DPY19L4: variants seen among roughly 807,000 people sequenced by gnomAD.
DPY19L4 encodes the protein probable C-mannosyltransferase DPY19L4.
DPY19L4 carries 97 observed loss-of-function variants against 102.8 expected under a neutral mutation model. The ratio of observed to expected loss-of-function variants is 0.94; its 90% CI spans 0.80 to 1.12. The LOEUF (loss-of-function observed/expected upper bound fraction) is 1.12. DPY19L4 is among the 50% of genes most tolerant of loss of function. DPY19L4 has a pLI of 0.00. For synonymous variants in DPY19L4, 252 were observed against 283.1 expected, an observed-to-expected ratio of 0.89 and a Z score of 1.10; for missense variants, 815 against 850.4, an observed-to-expected ratio of 0.96 and a Z score of 0.52.
At chr8:94,769,443 TAATC>T (rs773254884) in intron 12 of DPY19L4, among the ~76,000 whole-genome samples, 50 of 152,258 alleles carry the variant, frequency 3.3e-4, no homozygotes, top group Non-Finnish European at 6.2e-4. Context: ...GATATTTAAA[TAATC>T]AGTTAAACTT....
intron 8 of DPY19L4, among the ~76,000 whole-genome samples, chr8:94,762,253 G>A (rs1032926698): frequency 1.3e-5 from 2 of 152,168 alleles, no homozygotes; most frequent in African/African-American, 2.4e-5. Context: ...CTGCTCTTGG[G>A]TTTCTTGAGC....
chr8:94,730,998 G>A (rs375807304), intron 2 of DPY19L4, among the ~76,000 whole-genome samples: 2 of 147,330 alleles, frequency 1.4e-5, no homozygotes, highest in East Asian at 2.0e-4. Context: ...ACCAGCCTCG[G>A]CCTCCCAAAG....
At chr8:94,769,408 A>G (rs982422209) in intron 12 of DPY19L4, among the ~76,000 whole-genome samples, 1 of 152,190 alleles carries the variant, frequency 6.6e-6, no homozygotes, top group Non-Finnish European at 1.5e-5. Flanking sequence ...CAGATTTAAT[A>G]TAGTTAGAGA....
At chr8:94,765,102 A>T in intron 8 of DPY19L4, 81 bp from the exon 9 acceptor site, 1 of 1,012,508 alleles carries the variant, frequency 9.9e-7, no homozygotes, top group Non-Finnish European at 1.4e-6. Context: ...GTATAATTAT[A>T]GTTAAATCTA....
intron 15 of DPY19L4, among the ~76,000 whole-genome samples, chr8:94,780,822 G>T (rs1472509920): frequency 6.6e-6 from 1 of 151,934 alleles, no homozygotes; most frequent in Non-Finnish European, 1.5e-5. Flanking sequence ...ATTTATTATT[G>T]TTTGGTAATG....
intron 13 of DPY19L4, among the ~76,000 whole-genome samples, chr8:94,772,690 G>A (rs531200937): frequency 5.3e-5 from 8 of 152,308 alleles, no homozygotes; most frequent in African/African-American, 1.9e-4. Flanking sequence ...TTAGCCTTCA[G>A]CCCTTCACAG....
At chr8:94,767,125 C>T (rs1812710397) in intron 11 of DPY19L4, among the ~76,000 whole-genome samples, 1 of 150,376 alleles carries the variant, frequency 6.6e-6, no homozygotes, top group African/African-American at 2.4e-5. Context: ...TAAATTTTAA[C>T]ATTTTGTTCT....
Position 94,761,150 on chromosome 8 carries a change from T to G in DPY19L4, c.736-550T>G, listed in dbSNP as rs557034345. ...GTTAACATAAATTGTTAACCAAGTA[T>G]AAAGTCATTAACTTGCTAAATGAAA... On this transcript the variant is annotated intron_variant, in intron 7 of 18. Coordinates refer to ENST00000414645, the MANE Select transcript of DPY19L4 (RefSeq NM_181787.3). 3.9e-5 allele frequency among the ~76,000 whole-genome samples: 6 copies of G among 152,270 alleles called. No individual in the cohort carries two copies. The South Asian group carries it at 1.2e-3, about 32-fold the overall frequency.
intron 11 of DPY19L4, among the ~76,000 whole-genome samples, 180 bp from the exon 12 acceptor site, chr8:94,768,215 T>C (rs866236691): frequency 1.3e-5 from 2 of 152,206 alleles, no homozygotes; most frequent in Non-Finnish European, 2.9e-5. Context: ...TGAGAGCACA[T>C]GCTTTGTTTA....
chr8:94,759,019 T>A (rs940023123), intron 7 of DPY19L4, among the ~76,000 whole-genome samples: 2 of 152,100 alleles, frequency 1.3e-5, no homozygotes, highest in African/African-American at 4.8e-5. Flanking sequence ...GTTGGTTCTT[T>A]CCAGTGGGTT....
intron 6 of DPY19L4, among the ~76,000 whole-genome samples, chr8:94,752,138 C>G (rs79780491): frequency 8.5e-5 from 13 of 152,154 alleles, no homozygotes; most frequent in Non-Finnish European, 1.8e-4. Flanking sequence ...CTAAAGTGAT[C>G]GTACCATTCT....
chr8:94,776,026 CTTTTTTTTTTTT>C (rs1165180641), intron 13 of DPY19L4, among the ~76,000 whole-genome samples: 7 of 81,500 alleles, frequency 8.6e-5, no homozygotes, highest in African/African-American at 3.0e-4. Context: ...ATTTTTAAAT[CTTTTTTTTTTTT>C]TTTTTTTTTT....
chr8:94,726,288 C>G, intron 1 of DPY19L4, 43 bp from the exon 2 acceptor site: 1 of 1,525,360 alleles, frequency 6.6e-7, no homozygotes, highest in Non-Finnish European at 8.8e-7. Context: ...CAGATTAAAA[C>G]AATTTTATAC....
Position 94,793,610 on chromosome 8 carries a change from G to A in DPY19L4, c.*3700G>A, listed in dbSNP as rs1320014057. 1 of 152,052 alleles carries A rather than the reference G, an allele frequency of 6.6e-6. No individual in the cohort carries two copies. The highest frequency in any genetic ancestry group is 1.9e-4 in the East Asian group (1 of 5,196). 9.4% of individuals were successfully genotyped at this position (152,052 alleles called of 1,614,324 possible). A position where few individuals can be genotyped will look rare whatever the true frequency, so the allele number is the denominator to read the frequency against. Reference sequence around the variant, plus strand: ...TTGTTGCTGTTTACTAATAGTTTTAGATCCCAATGTGTATTAGAATTATAG... The same window carrying A: ...TTGTTGCTGTTTACTAATAGTTTTAAATCCCAATGTGTATTAGAATTATAG... On this transcript the variant is annotated 3_prime_UTR_variant, in exon 19 of 19. Transcript: ENST00000414645.
At chr8:94,748,427 T>C (rs1811772706) in intron 6 of DPY19L4, among the ~76,000 whole-genome samples, 1 of 152,174 alleles carries the variant, frequency 6.6e-6, no homozygotes, top group Non-Finnish European at 1.5e-5. Context: ...TCTTACCTTA[T>C]GATATGTGAA....
intron 11 of DPY19L4, among the ~76,000 whole-genome samples, chr8:94,767,380 G>A (rs972762248): frequency 8.2e-5 from 12 of 146,092 alleles, no homozygotes; most frequent in East Asian, 4.3e-4. Flanking sequence ...TGCAAGCTCC[G>A]CCTCCTGGGT....
At chr8:94,783,235 G>C (rs779762450) in intron 16 of DPY19L4, among the ~76,000 whole-genome samples, 1 of 149,820 alleles carries the variant, frequency 6.7e-6, no homozygotes, top group Non-Finnish European at 1.5e-5. Flanking sequence ...AGACAGTGAA[G>C]GAGCAGGAGG....
chr8:94,782,377 T>A (rs990602821), intron 16 of DPY19L4, among the ~76,000 whole-genome samples: 1 of 152,128 alleles, frequency 6.6e-6, no homozygotes, highest in Non-Finnish European at 1.5e-5. Context: ...ATTCTCAATG[T>A]CAAGCATGTT....
chr8:94,723,442 C>T (rs892373918), intron 1 of DPY19L4, among the ~76,000 whole-genome samples: 3 of 150,220 alleles, frequency 2.0e-5, no homozygotes, highest in Non-Finnish European at 4.4e-5. Flanking sequence ...CACTGCACTG[C>T]AGCCTGGGCA....
Sources: allele counts gnomAD v4.1 joint callset (sites outside exome capture counted in the v4.1 genomes callset), GRCh38; gene constraint gnomAD v4.1.1; transcripts MANE v1.5; gene names NCBI Gene and HGNC (gene_info 2026-07-23, HGNC 2026-07-21).